The following AGBL4 variants were observed in gnomAD, a reference collection of about 807,000 sequenced individuals.
AGBL4 encodes AGBL carboxypeptidase 4, also known as cytosolic carboxypeptidase 6.
AGBL4 carries 58 observed loss-of-function variants against 66.4 expected under a neutral mutation model. The observed-to-expected ratio is 0.87, with a 90% CI of 0.71 to 1.09. The LOEUF (loss-of-function observed/expected upper bound fraction) is 1.09. AGBL4 is among the 50% of genes least tolerant of loss of function. The probability of loss-of-function intolerance (pLI) is 0.00; values close to 1 mark genes in which losing one functional copy is unlikely to be tolerated. For synonymous variants in AGBL4, 234 were observed against 222.9 expected, an observed-to-expected ratio of 1.05 and a Z score of -0.44; for missense variants, 579 against 631.0, an observed-to-expected ratio of 0.92 and a Z score of 0.88.
chr1:49,220,236 T>C (rs1415946470), intron 4 of AGBL4, among the ~76,000 whole-genome samples: 1 of 152,168 alleles, frequency 6.6e-6, no homozygotes, highest in Non-Finnish European at 1.5e-5. Context: ...CCTTTTTCCC[T>C]GTTGCTTTTG....
chr1:49,355,533 C>T (rs1644001940), intron 3 of AGBL4, among the ~76,000 whole-genome samples: 1 of 152,152 alleles, frequency 6.6e-6, no homozygotes, highest in African/African-American at 2.4e-5. Context: ...ATCCCCCCAA[C>T]ATGAAAGTGT....
At chr1:48,714,721 C>T (rs1647021547) in intron 6 of AGBL4, among the ~76,000 whole-genome samples, 2 of 152,240 alleles carry the variant, frequency 1.3e-5, no homozygotes, top group South Asian at 4.1e-4. Context: ...AAGTCCAGCT[C>T]CTTAGCTAGC....
chr1:49,996,259 G>C (rs1376020878), intron 1 of AGBL4: 3 of 152,096 alleles, frequency 2.0e-5, no homozygotes, highest in African/African-American at 7.2e-5. Flanking sequence ...CAATTATTAA[G>C]CTACTCAAGG....
chr1:48,813,185 A>G (rs555693198), intron 6 of AGBL4, among the ~76,000 whole-genome samples: 6 of 152,284 alleles, frequency 3.9e-5, no homozygotes, highest in African/African-American at 1.2e-4. Flanking sequence ...CAGAAGAGGC[A>G]CCTAACCCAG....
chr1:49,868,414 T>A (rs1309210764), intron 1 of AGBL4, among the ~76,000 whole-genome samples: 2 of 152,120 alleles, frequency 1.3e-5, no homozygotes, highest in African/African-American at 4.8e-5. Context: ...AGTATGCTAC[T>A]GGTACAAAAA....
At chr1:48,782,825 A>G (rs1437156832) in intron 6 of AGBL4, among the ~76,000 whole-genome samples, 2 of 152,158 alleles carry the variant, frequency 1.3e-5, no homozygotes, top group African/African-American at 4.8e-5. Context: ...TGTACGTTCT[A>G]TGACTTTGGA....
intron 1 of AGBL4, among the ~76,000 whole-genome samples, chr1:49,970,545 A>T (rs1023856339): frequency 6.6e-6 from 1 of 151,952 alleles, no homozygotes; most frequent in Non-Finnish European, 1.5e-5. Flanking sequence ...AAACTACAAA[A>T]ATTAGCCAGG....
chr1:49,647,527 G>A (rs976384418), intron 3 of AGBL4, among the ~76,000 whole-genome samples: 1 of 152,082 alleles, frequency 6.6e-6, no homozygotes. Flanking sequence ...TCATTATGGG[G>A]CACCCACAGT....
chr1:49,690,305 A>G (rs1239781475), intron 3 of AGBL4, among the ~76,000 whole-genome samples: 1 of 152,152 alleles, frequency 6.6e-6, no homozygotes, highest in Non-Finnish European at 1.5e-5. Context: ...CTCGAACCAA[A>G]CCCACAATAT....
chr1:48,902,540 C>T (rs893719132), intron 5 of AGBL4, among the ~76,000 whole-genome samples: 34 of 152,000 alleles, frequency 2.2e-4, no homozygotes, highest in African/African-American at 7.7e-4. Flanking sequence ...GCAGTGGTGA[C>T]GAGTGAGGGC....
At chr1:48,969,601 C>T (rs1658743664) in intron 5 of AGBL4, among the ~76,000 whole-genome samples, 1 of 152,096 alleles carries the variant, frequency 6.6e-6, no homozygotes, top group Admixed American at 6.6e-5. Flanking sequence ...CCCTCCCTCC[C>T]TTATTCCCTC....
chr1:48,821,060 CT>C (rs1646301149), intron 6 of AGBL4, among the ~76,000 whole-genome samples: 1 of 152,134 alleles, frequency 6.6e-6, no homozygotes, highest in South Asian at 2.1e-4. Flanking sequence ...GAGATATCAT[CT>C]TACACCAGTA....
chr1:49,982,815 G>T (rs1357152901), intron 1 of AGBL4, among the ~76,000 whole-genome samples: 1 of 152,108 alleles, frequency 6.6e-6, no homozygotes, highest in African/African-American at 2.4e-5. Flanking sequence ...AGAGCTAAGA[G>T]GTATCCAGAC....
intron 11 of AGBL4, among the ~76,000 whole-genome samples, chr1:48,558,614 A>T (rs1293197590): frequency 6.6e-6 from 1 of 152,210 alleles, no homozygotes; most frequent in Non-Finnish European, 1.5e-5. Context: ...AGAGGGTGGG[A>T]TATCCACCAG....
chr1:49,469,291 T>G (rs561871161), intron 3 of AGBL4, among the ~76,000 whole-genome samples: 1 of 151,962 alleles, frequency 6.6e-6, no homozygotes, highest in East Asian at 1.9e-4. Context: ...ATCTTTTAAA[T>G]TTTTTAAAAT....
At chr1:49,186,358 T>C (rs752276493) in intron 4 of AGBL4, among the ~76,000 whole-genome samples, 1 of 152,172 alleles carries the variant, frequency 6.6e-6, no homozygotes, top group African/African-American at 2.4e-5. Context: ...AACTGTCAAA[T>C]GTGGTTAAAA....
intron 1 of AGBL4, among the ~76,000 whole-genome samples, chr1:49,864,189 T>G (rs937494306): frequency 6.6e-6 from 1 of 152,164 alleles, no homozygotes; most frequent in East Asian, 1.9e-4. Flanking sequence ...TTCTCATTTA[T>G]TTGTGGGATC....
At chr1:49,912,243 A>G (rs1488317905) in intron 1 of AGBL4, among the ~76,000 whole-genome samples, 1 of 152,166 alleles carries the variant, frequency 6.6e-6, no homozygotes, top group Non-Finnish European at 1.5e-5. Flanking sequence ...CTCAAAGTCA[A>G]CAAGACCAGG....
At chr1:49,121,864 C>T (rs564503828) in intron 4 of AGBL4, among the ~76,000 whole-genome samples, 1 of 152,378 alleles carries the variant, frequency 6.6e-6, no homozygotes, top group South Asian at 2.1e-4. Flanking sequence ...GTGGGCTCCG[C>T]CCATTTCGAG....
Sources: gnomAD v4.1 joint callset for allele counts (sites outside exome capture counted in the v4.1 genomes callset) on GRCh38, gnomAD v4.1.1 for gene constraint, MANE v1.5 for transcripts, NCBI Gene and HGNC (gene_info 2026-07-23, HGNC 2026-07-21) for gene names.